The following WASHC2A variants were observed in gnomAD, a reference collection of about 807,000 sequenced individuals.
The protein encoded by WASHC2A is WASH complex subunit 2A.
A neutral mutation model predicts 140.3 loss-of-function variants in WASHC2A; 82 were observed. That is an observed-to-expected ratio of 0.58 (90% CI 0.49 to 0.70). The LOEUF (loss-of-function observed/expected upper bound fraction) is 0.70. Among genes scored for constraint, WASHC2A ranks in the 30% least tolerant of loss-of-function variants. The pLI is 0.00. For missense variants in WASHC2A, 985 were observed against 1,521.8 expected (o/e 0.65, Z 5.87); for synonymous variants, 340 against 560.8 (o/e 0.61, Z 5.56).
At chr10:50,131,404 A>G (rs1401124621) in intron 30 of WASHC2A, among the ~76,000 whole-genome samples, 172 of 152,344 alleles carry the variant, frequency 1.1e-3, no homozygotes, top group African/African-American at 3.9e-3. Flanking sequence ...AAATGACCTC[A>G]CGTGCTAAAG....
At chr10:50,091,539 T>C in intron 10 of WASHC2A, 21 bp downstream of exon 10, 2 of 1,549,588 alleles carry the variant, frequency 1.3e-6, no homozygotes, top group Non-Finnish European at 1.7e-6. Flanking sequence ...GCCGCGTTGA[T>C]GGGGAGTAGG....
At chr10:50,131,960 C>T (rs1844014325) in intron 30 of WASHC2A, among the ~76,000 whole-genome samples, 1 of 152,248 alleles carries the variant, frequency 6.6e-6, no homozygotes, top group African/African-American at 2.4e-5. Flanking sequence ...TGTATCCTTT[C>T]AGACACAGTG....
At position 50,103,229 on chromosome 10, in the gene WASHC2A, A is replaced by T. The variant is rs1841390345; in HGVS notation, c.1636-813A>T. ...TATAGTTAAGCTAAGTAGACTAGCA[A>T]ACATTTAAAAATAAAGTTTAATTTG... On this transcript the variant is annotated intron_variant, in intron 17 of 30. Coordinates refer to ENST00000282633, the MANE Select transcript of WASHC2A (RefSeq NM_001005751.3). 2.0e-5 allele frequency among the ~76,000 whole-genome samples: 3 copies of T among 151,550 alleles called. No individual in the cohort carries two copies. In the South Asian group the frequency reaches 6.3e-4, roughly 32 times the overall value.
At chr10:50,126,307 T>C (rs1843422687) in intron 26 of WASHC2A, 128 bp downstream of exon 26, 2 of 1,573,866 alleles carry the variant, frequency 1.3e-6, no homozygotes, top group African/African-American at 2.7e-5. Context: ...GGGCTACCGC[T>C]TTGTCTTCAC....
chr10:50,126,298 G>A, intron 26 of WASHC2A, 119 bp downstream of exon 26: 4 of 1,590,514 alleles, frequency 2.5e-6, no homozygotes, highest in Non-Finnish European at 3.4e-6. Context: ...CAGCAACCAG[G>A]GCTACCGCTT....
At chr10:50,110,651 G>C (rs1429279864) in intron 20 of WASHC2A, among the ~76,000 whole-genome samples, 1 of 152,066 alleles carries the variant, frequency 6.6e-6, no homozygotes, top group Non-Finnish European at 1.5e-5. Context: ...CCAGCACTTT[G>C]GGAGGCCGAG....
chr10:50,095,726 T>G lies in WASHC2A; in HGVS notation c.1368T>G (p.Gly456=). Residue 456 remains glycine, a synonymous_variant, in exon 15 of 31, where the codon GGT becomes GGG. Transcript: ENST00000282633. ...CTGGCCTCTTTGATGATGATGATGGTGATGATGATGACGACTTTTTCTCGG... is the reference window on the plus strand; with the variant it reads ...CTGGCCTCTTTGATGATGATGATGGGGATGATGATGACGACTTTTTCTCGG... ...PPTGLFDDDD[G]DDDDDFFSAP... 6.2e-7 allele frequency: 1 copy of G among 1,611,166 alleles called. No individual in the cohort carries two copies. Among genetic ancestry groups the G allele is most frequent in the Non-Finnish European group, 8.5e-7 (1 of 1,179,602 alleles).
chr10:50,130,933 C>G lies in WASHC2A; in HGVS notation c.3741C>G (p.Pro1247=). 1 of 1,608,838 alleles carries G rather than the reference C, an allele frequency of 6.2e-7. No homozygotes were observed. Among genetic ancestry groups the G allele is most frequent in the South Asian group, 1.1e-5 (1 of 90,068 alleles). ...DDIFATEAIK[P]SQKTREKEKT... Reference sequence around the variant, plus strand: ...TATTTGCTACGGAAGCAATTAAACCCTCTCAGAAAACCAGAGAGAAGGAGA... The same window carrying G: ...TATTTGCTACGGAAGCAATTAAACCGTCTCAGAAAACCAGAGAGAAGGAGA... Residue 1247 remains proline (P), a synonymous_variant, in exon 30 of 31, where the codon CCC becomes CCG. Transcript: ENST00000282633.
rs1334779722 is a variant in WASHC2A, at chr10:50,095,735, TGAC to T, written c.1381_1383del (p.Asp461del). The T allele has an allele frequency of 1.2e-6, 2 of 1,611,480 alleles. No homozygotes were observed. The highest frequency in any genetic ancestry group is 2.7e-5 in the African/African-American group (2 of 74,752). On this transcript the variant is annotated inframe_deletion, in exon 15 of 31. Coordinates refer to ENST00000282633, the MANE Select transcript of WASHC2A (RefSeq NM_001005751.3). The stretch of plus-strand genomic sequence containing the variant: ...TTGATGATGATGATGGTGATGATGA[TGAC>T]GACTTTTTCTCGGCACCCCACAGCA...
chr10:50,074,777 G>T (rs61856715), intron 3 of WASHC2A, among the ~76,000 whole-genome samples: 3 of 151,952 alleles, frequency 2.0e-5, no homozygotes, highest in Admixed American at 6.6e-5. Flanking sequence ...TTAGCCAGGC[G>T]TGGTGGCAGG....
At chr10:50,113,538 C>G (rs554990833) in intron 20 of WASHC2A, among the ~76,000 whole-genome samples, 72 of 152,094 alleles carry the variant, frequency 4.7e-4, no homozygotes, top group African/African-American at 1.4e-3. Flanking sequence ...TGGAAATAGG[C>G]CTGTCCGCTT....
At chr10:50,128,253 G>A (rs1843618382) in intron 28 of WASHC2A, among the ~76,000 whole-genome samples, 1 of 151,980 alleles carries the variant, frequency 6.6e-6, no homozygotes, top group Non-Finnish European at 1.5e-5. Context: ...CCTGACTCCA[G>A]GCACACCAGG....
chr10:50,100,135 G>A (rs1402885931), intron 17 of WASHC2A, 71 bp downstream of exon 17: 2 of 1,386,008 alleles, frequency 1.4e-6, no homozygotes, highest in African/African-American at 2.8e-5. Context: ...TTTGAATCAG[G>A]TTTTTCTCAA....
chr10:50,069,825 A>C, intron 3 of WASHC2A, 114 bp downstream of exon 3: 1 of 1,178,146 alleles, frequency 8.5e-7, no homozygotes, highest in East Asian at 2.5e-5. Flanking sequence ...GGTTCTTGGT[A>C]ATTGTAGCTT....
intron 17 of WASHC2A, among the ~76,000 whole-genome samples, chr10:50,102,412 G>T (rs1841290882): frequency 6.6e-6 from 1 of 152,116 alleles, no homozygotes; most frequent in South Asian, 2.1e-4. Context: ...GTCCGAAACT[G>T]TGATGTTGAC....
intron 18 of WASHC2A, among the ~76,000 whole-genome samples, chr10:50,105,939 C>T (rs1451619949): frequency 1.3e-5 from 2 of 151,658 alleles, no homozygotes; most frequent in African/African-American, 4.9e-5. Flanking sequence ...GTTTCTCATT[C>T]GTGGAGACAA....
rs1473378187 is a variant in WASHC2A, at chr10:50,084,383, CCTGTTACTTCTAAATGTTTCT to C, written c.622+223_622+243del. ...TATTTGGGAGACATCATGCTCATGC[CCTGTTACTTCTAAATGTTTCT>C]CTGTGTGTTTTCTTTTTTTCTTTTC... On this transcript the variant is annotated intron_variant, in intron 6 of 30. Coordinates refer to ENST00000282633, the MANE Select transcript of WASHC2A (RefSeq NM_001005751.3). 4.8e-3 allele frequency among the ~76,000 whole-genome samples: 703 copies of C among 147,824 alleles called. 3 individuals are homozygous for C. The highest frequency in any genetic ancestry group is 5.0e-3 in the Non-Finnish European group (333 of 67,028).
chr10:50,133,367 C>G lies in WASHC2A; in HGVS notation c.*422C>G, dbSNP rs1844147117. 2.1e-6 allele frequency: 1 copy of G among 478,432 alleles called. No individual in the cohort carries two copies. Among genetic ancestry groups the G allele is most frequent in the Admixed American group, 2.3e-5 (1 of 42,774 alleles). 29.6% of individuals were successfully genotyped at this position (478,432 alleles called of 1,614,324 possible). A position where few individuals can be genotyped will look rare whatever the true frequency, so the allele number is the denominator to read the frequency against. On this transcript the variant is annotated 3_prime_UTR_variant, in exon 31 of 31. Coordinates refer to ENST00000282633, the MANE Select transcript of WASHC2A (RefSeq NM_001005751.3). ...AAGAGAAAGAAGGTGAGAGATTATA[C>G]TTCATGAGTCTTAGCAATATGGGAG... is the stretch of plus-strand genomic sequence containing the variant.
chr10:50,087,171 C>T (rs1839458775), intron 7 of WASHC2A, 104 bp from the exon 8 acceptor site: 1 of 1,490,782 alleles, frequency 6.7e-7, no homozygotes, highest in African/African-American at 1.4e-5. Context: ...GCTTTTTCTC[C>T]ACTTGACATA....
Sources: allele counts gnomAD v4.1 joint callset (sites outside exome capture counted in the v4.1 genomes callset), GRCh38; gene constraint gnomAD v4.1.1; transcripts MANE v1.5; gene names NCBI Gene and HGNC (gene_info 2026-07-23, HGNC 2026-07-21).